Variants in ABHD2 observed in about 807,000 individuals in gnomAD.
The protein encoded by ABHD2 is abhydrolase domain containing 2, acylglycerol lipase, also known as monoacylglycerol lipase ABHD2.
ABHD2 carries 20 observed loss-of-function variants against 48.1 expected under a neutral mutation model. The ratio of observed to expected loss-of-function variants is 0.42; its 90% CI spans 0.29 to 0.60. ABHD2 has a LOEUF of 0.60. Among genes scored for constraint, ABHD2 ranks in the 20% least tolerant of loss-of-function variants. ABHD2 has a pLI of 0.24. For missense variants in ABHD2, 405 were observed against 550.9 expected (o/e 0.74, Z 2.65); for synonymous variants, 209 against 214.2 (o/e 0.98, Z 0.21).
chr15:89,135,745 C>G, intron 3 of ABHD2: 1 of 1,068,214 alleles, frequency 9.4e-7, no homozygotes, highest in Non-Finnish European at 1.4e-6. Flanking sequence ...TTTTATAAGG[C>G]TGCCTGTCAT....
In ABHD2 at chr15:89,196,545, A is replaced by C. The variant is rs1185450560; in HGVS notation, c.*1122A>C. On this transcript the variant is annotated 3_prime_UTR_variant, in exon 11 of 11. Transcript: ENST00000352732. ...TGGGAGCTGCTCTCCCAGTCTAAGC[A>C]TGTAGATATCATCGTTTGCCTTTTG... 6.6e-6 allele frequency: 1 copy of C among 152,186 alleles called. No homozygotes were observed. Among genetic ancestry groups the C allele is most frequent in the African/African-American group, 2.4e-5 (1 of 41,452 alleles). 9.4% of individuals were successfully genotyped at this position (152,186 alleles called of 1,614,324 possible). A position where few individuals can be genotyped will look rare whatever the true frequency, so the allele number is the denominator to read the frequency against.
At chr15:89,119,567 A>T (rs1416507189) in intron 3 of ABHD2, among the ~76,000 whole-genome samples, 3 of 152,194 alleles carry the variant, frequency 2.0e-5, no homozygotes, top group East Asian at 3.9e-4. Context: ...CATTTTAGGG[A>T]TGAGGAAACT....
rs1449003221 is a variant in ABHD2, at chr15:89,175,453, T to C, written c.539-359T>C. Among the ~76,000 whole-genome samples the C allele has an allele frequency of 1.3e-5, 2 of 152,230 alleles. No individual in the cohort carries two copies. Among genetic ancestry groups the C allele is most frequent in the Non-Finnish European group, 2.9e-5 (2 of 68,040 alleles). On this transcript the variant is annotated intron_variant, in intron 5 of 10. Coordinates refer to ENST00000352732, the MANE Select transcript of ABHD2 (RefSeq NM_152924.5). This position sits in a 1 kb window ranked among gnomAD's most constrained non-coding sequence, Gnocchi z 5.7. ...TTATTTAGGTCTGTGTGTGAGCATA[T>C]GTGCTCATGCACACCCTGAAATCTG...
Position 89,151,627 on chromosome 15 carries a change from C to T in ABHD2, c.195-50C>T, listed in dbSNP as rs373624463. On this transcript the variant is annotated intron_variant, in intron 3 of 10. Coordinates refer to ENST00000352732, the MANE Select transcript of ABHD2 (RefSeq NM_152924.5). The surrounding 1 kb of genome is among the most constrained non-coding windows in gnomAD (Gnocchi z 4.7). The stretch of plus-strand genomic sequence containing the variant: ...AGTTTTGCTAAAAGATTTTTCAGAA[C>T]GTTGCTCAAGGAATGTAGAGAAAAT... 4.2e-5 allele frequency: 65 copies of T among 1,551,748 alleles called. No individual in the cohort carries two copies. In the East Asian group the frequency reaches 6.3e-4, roughly 15 times the overall value.
In ABHD2 at chr15:89,196,834, A is replaced by G. The variant is rs931189849; in HGVS notation, c.*1411A>G. The G allele has an allele frequency of 6.6e-6, 1 of 152,434 alleles. No homozygotes were observed. Among genetic ancestry groups the G allele is most frequent in the African/African-American group, 2.4e-5 (1 of 41,364 alleles). The allele number at this position is 152,434 out of a possible 1,614,324, so 9.4% of individuals were successfully genotyped here. On this transcript the variant is annotated 3_prime_UTR_variant, in exon 11 of 11. Transcript: ENST00000352732. ...GTGTGTCTTCTCAAGTGAAAACGCA[A>G]CTCTAGGTTTCAAGTACTCCTTTTC...
At position 89,114,509 on chromosome 15, in the gene ABHD2, G is replaced by T. The variant is rs1410469697; in HGVS notation, c.-7+685G>T. Among the ~76,000 whole-genome samples the T allele has an allele frequency of 6.6e-6, 1 of 152,066 alleles. No homozygotes were observed. The highest frequency in any genetic ancestry group is 2.4e-5 in the African/African-American group (1 of 41,392). On this transcript the variant is annotated intron_variant, in intron 2 of 10. Coordinates refer to ENST00000352732, the MANE Select transcript of ABHD2 (RefSeq NM_152924.5). The surrounding 1 kb of genome is among the most constrained non-coding windows in gnomAD (Gnocchi z 4.2). Reference sequence around the variant, plus strand: ...TTTGTTTTTGTTTTTTTGAGACGGCGTTTCGCTCTTGTCCCCAGGCTGGAG... The same window carrying T: ...TTTGTTTTTGTTTTTTTGAGACGGCTTTTCGCTCTTGTCCCCAGGCTGGAG...
rs1298271466 is a variant in ABHD2, at chr15:89,092,008, G to A, written c.-107+3445G>A. ...TGAGTAGGACATTTTTAAGCCCTGT[G>A]CTGCTGTTTCTTTGTTGATACCATA... is the stretch of plus-strand genomic sequence containing the variant. On this transcript the variant is annotated intron_variant, in intron 1 of 10. Transcript: ENST00000352732. The surrounding 1 kb of genome is among the most constrained non-coding windows in gnomAD (Gnocchi z 4.4). Among the ~76,000 whole-genome samples the A allele has an allele frequency of 6.6e-6, 1 of 152,190 alleles. No homozygotes were observed. The highest frequency in any genetic ancestry group is 2.4e-5 in the African/African-American group (1 of 41,434).
chr15:89,055,304 A>C, the ABHD2 span, among the ~76,000 whole-genome samples: 1 of 151,460 alleles, frequency 6.6e-6, no homozygotes, highest in Non-Finnish European at 1.5e-5. Flanking sequence ...TATCTCCCAC[A>C]AAAGTAAAAC....
Position 89,201,729 on chromosome 15 carries a change from A to T in ABHD2, c.*6306A>T. The T allele has an allele frequency of 6.3e-7, 1 of 1,595,442 alleles. No homozygotes were observed. The highest frequency in any genetic ancestry group is 8.6e-7 in the Non-Finnish European group (1 of 1,163,180). ...GACTACATCTGTGAAGGGGCCTTTG[A>T]ATTTGAGGTCTATGGGCGGGTCGAG... On this transcript the variant is annotated 3_prime_UTR_variant, in exon 11 of 11. Transcript: ENST00000352732.
intron 1 of ABHD2, among the ~76,000 whole-genome samples, chr15:89,093,470 C>G (rs886210782): frequency 5.3e-5 from 8 of 152,146 alleles, no homozygotes; most frequent in Non-Finnish European, 8.8e-5. Context: ...CGTGCCTGGC[C>G]TCATTTCCAG....
intron 1 of ABHD2, among the ~76,000 whole-genome samples, chr15:89,112,471 C>G (rs2049890422): frequency 6.6e-6 from 1 of 152,164 alleles, no homozygotes; most frequent in Non-Finnish European, 1.5e-5. Context: ...GAAGACTTTG[C>G]TCTTCCGGCC....
intron 3 of ABHD2, among the ~76,000 whole-genome samples, chr15:89,139,154 T>G (rs2050364078): frequency 6.6e-6 from 1 of 152,174 alleles, no homozygotes; most frequent in South Asian, 2.1e-4. Flanking sequence ...AAAGCTGCAG[T>G]GAGCCGTAGT....
rs2050844647 is a variant in ABHD2 at position 89,166,812 on chromosome 15, C to T, written c.539-9000C>T. Among the ~76,000 whole-genome samples the T allele has an allele frequency of 1.3e-5, 2 of 152,106 alleles. No homozygotes were observed. The highest frequency in any genetic ancestry group is 4.1e-4 in the South Asian group (2 of 4,826). On this transcript the variant is annotated intron_variant, in intron 5 of 10. Transcript: ENST00000352732. The surrounding 1 kb of genome is among the most constrained non-coding windows in gnomAD (Gnocchi z 4.6). Reference sequence around the variant, plus strand: ...GTGAGACCCTATCTCTTAAAACAAACAAACATATATACAAACAATCTTTTG... The same window carrying T: ...GTGAGACCCTATCTCTTAAAACAAATAAACATATATACAAACAATCTTTTG...
intron 3 of ABHD2, among the ~76,000 whole-genome samples, chr15:89,127,877 C>T (rs1227302546): frequency 6.6e-6 from 1 of 152,024 alleles, no homozygotes; most frequent in African/African-American, 2.4e-5. Flanking sequence ...CTCTGTCTGT[C>T]AGAATCCTCA....
rs1307512659 is a variant in ABHD2 at position 89,179,976 on chromosome 15, C to A, written c.722+3981C>A. Among the ~76,000 whole-genome samples the A allele has an allele frequency of 6.6e-6, 1 of 152,246 alleles. No homozygotes were observed. The highest frequency in any genetic ancestry group is 1.5e-5 in the Non-Finnish European group (1 of 68,046). ...GTCTCTCTTGCTTTTGATGGGCAAA[C>A]TTCAGGCTAGAGATGAGTTTATGGC... is the stretch of plus-strand genomic sequence containing the variant. On this transcript the variant is annotated intron_variant, in intron 6 of 10. Transcript: ENST00000352732. This position sits in a 1 kb window ranked among gnomAD's most constrained non-coding sequence, Gnocchi z 4.3.
chr15:89,172,181 T>C (rs906593859), intron 5 of ABHD2, among the ~76,000 whole-genome samples: 1 of 152,210 alleles, frequency 6.6e-6, no homozygotes, highest in African/African-American at 2.4e-5. Flanking sequence ...ATCCTAACCA[T>C]TTTTAAGTGT....
At chr15:89,108,173 A>G (rs890315106) in intron 1 of ABHD2, among the ~76,000 whole-genome samples, 3 of 152,150 alleles carry the variant, frequency 2.0e-5, no homozygotes, top group African/African-American at 7.2e-5. Flanking sequence ...ATGAGAGGTA[A>G]TTTGGGCATA....
chr15:89,124,683 G>T (rs1251185588), intron 3 of ABHD2, among the ~76,000 whole-genome samples: 9 of 152,208 alleles, frequency 5.9e-5, no homozygotes, highest in African/African-American at 2.2e-4. Flanking sequence ...ACTGGGCATG[G>T]GGGCTCATGC....
intron 6 of ABHD2, among the ~76,000 whole-genome samples, chr15:89,178,574 C>T (rs888172532): frequency 1.3e-5 from 2 of 152,202 alleles, no homozygotes; most frequent in Admixed American, 6.5e-5. Flanking sequence ...CTAGCCAGAG[C>T]CGGTTGAAGG....
Sources: gnomAD v4.1 joint callset for allele counts (sites outside exome capture counted in the v4.1 genomes callset) on GRCh38, gnomAD v4.1.1 for gene constraint, Gnocchi (gnomAD v3.1) non-coding constraint, MANE v1.5 for transcripts, NCBI Gene and HGNC (gene_info 2026-07-23, HGNC 2026-07-21) for gene names.